Variants in FNBP1 observed in about 807,000 individuals in gnomAD.
FNBP1 encodes formin-binding protein 1.
FNBP1 carries 26 observed loss-of-function variants against 90.6 expected under a neutral mutation model. That is an observed-to-expected ratio of 0.29 (90% CI 0.21 to 0.40). The LOEUF is 0.40. FNBP1 is among the 10% of genes least tolerant of loss of function. FNBP1 has a pLI of 1.00. For missense variants in FNBP1, 635 were observed against 768.0 expected, an observed-to-expected ratio of 0.83 and a Z score of 2.05; for synonymous variants, 260 against 265.2, an observed-to-expected ratio of 0.98 and a Z score of 0.19.
At chr9:130,004,177 C>T (rs922422055) in intron 1 of FNBP1, among the ~76,000 whole-genome samples, 1 of 151,430 alleles carries the variant, frequency 6.6e-6, no homozygotes, top group Non-Finnish European at 1.5e-5. Context: ...GCAGGAGAAT[C>T]GCTTGAACCT....
At chr9:130,046,044 T>G (rs2060057962), upstream of FNBP1, among the ~76,000 whole-genome samples, 1 of 152,202 alleles carries the variant, frequency 6.6e-6, no homozygotes, top group Non-Finnish European at 1.5e-5. Flanking sequence ...TAGGGAACAC[T>G]GATTTACAAA....
At chr9:129,961,945 A>T (rs563942176) in intron 4 of FNBP1, among the ~76,000 whole-genome samples, 1 of 152,244 alleles carries the variant, frequency 6.6e-6, no homozygotes, top group Admixed American at 6.5e-5. Flanking sequence ...ATGTCCTGCA[A>T]ATTTCCCAGG....
At chr9:129,990,199 A>G (rs1164775841) in intron 2 of FNBP1, among the ~76,000 whole-genome samples, 1 of 152,226 alleles carries the variant, frequency 6.6e-6, no homozygotes, top group Non-Finnish European at 1.5e-5. Context: ...TATACCATAA[A>G]TATATACAAT....
intron 1 of FNBP1, among the ~76,000 whole-genome samples, chr9:130,002,756 C>CT (rs1203666597): frequency 6.6e-6 from 1 of 152,202 alleles, no homozygotes; most frequent in Non-Finnish European, 1.5e-5. Context: ...ACTATTCACT[C>CT]TAAGATTGCC....
intron 8 of FNBP1, 98 bp downstream of exon 8, chr9:129,927,097 C>T: frequency 1.6e-6 from 2 of 1,232,902 alleles, no homozygotes; most frequent in East Asian, 2.3e-5. Flanking sequence ...AGCAACCATC[C>T]ACCATGAGAT....
intron 4 of FNBP1, among the ~76,000 whole-genome samples, chr9:129,965,484 G>A (rs191103834): frequency 2.6e-5 from 4 of 152,080 alleles, no homozygotes; most frequent in African/African-American, 7.2e-5. Context: ...ACTGTTCCTC[G>A]GTTATTCTCA....
chr9:129,919,151 G>A (rs1447840310), intron 10 of FNBP1: 2 of 1,270,902 alleles, frequency 1.6e-6, no homozygotes, highest in African/African-American at 1.5e-5. Context: ...CATCACAGGT[G>A]AACTTACAAC....
chr9:130,044,952 G>GAAT (rs1290956336), upstream of FNBP1: 1 of 151,494 alleles, frequency 6.6e-6, no homozygotes, highest in Non-Finnish European at 1.5e-5. Flanking sequence ...AAAATAAAAT[G>GAAT]AATAATAATA....
intron 1 of FNBP1, among the ~76,000 whole-genome samples, chr9:129,995,292 C>T (rs939184838): frequency 2.0e-5 from 3 of 152,184 alleles, no homozygotes; most frequent in African/African-American, 7.2e-5. Context: ...ACAAACACAG[C>T]CACACACGGT....
intron 1 of FNBP1, among the ~76,000 whole-genome samples, chr9:130,019,551 G>A (rs777139256): frequency 6.6e-6 from 1 of 152,116 alleles, no homozygotes; most frequent in Non-Finnish European, 1.5e-5. Context: ...TCCAAAAGCA[G>A]ATCATCATGA....
At chr9:129,971,627 G>C (rs1258285902) in intron 4 of FNBP1, among the ~76,000 whole-genome samples, 1 of 152,104 alleles carries the variant, frequency 6.6e-6, no homozygotes, top group African/African-American at 2.4e-5. Flanking sequence ...CTGACCTCAG[G>C]TGATCCACCT....
At chr9:129,910,846 A>AAT (rs918146449) in intron 11 of FNBP1, among the ~76,000 whole-genome samples, 1 of 65,892 alleles carries the variant, frequency 1.5e-5, no homozygotes, top group African/African-American at 4.7e-5. Context: ...CTGACTCTCT[A>AAT]ATGTGTGTGT....
chr9:129,935,232 T>G (rs1381155588), intron 6 of FNBP1, among the ~76,000 whole-genome samples: 1 of 150,892 alleles, frequency 6.6e-6, no homozygotes, highest in African/African-American at 2.4e-5. Flanking sequence ...CAGGCGACCC[T>G]GCCACCTGAG....
chr9:130,004,792 G>A (rs987744482), intron 1 of FNBP1, among the ~76,000 whole-genome samples: 1 of 152,146 alleles, frequency 6.6e-6, no homozygotes, highest in South Asian at 2.1e-4. Flanking sequence ...CAGGCCGGGC[G>A]TGGTGGCTCA....
At chr9:129,896,471 C>T (rs903296663) in intron 15 of FNBP1, among the ~76,000 whole-genome samples, 2 of 152,046 alleles carry the variant, frequency 1.3e-5, no homozygotes, top group Admixed American at 1.3e-4. Flanking sequence ...GCAACCTCCA[C>T]CTCCCCGGTT....
intron 4 of FNBP1, among the ~76,000 whole-genome samples, chr9:129,969,125 AG>A (rs1200400394): frequency 6.6e-6 from 1 of 152,210 alleles, no homozygotes; most frequent in Non-Finnish European, 1.5e-5. Context: ...GTTCTTATGG[AG>A]GAATATATGT....
chr9:129,978,695 T>A, intron 3 of FNBP1, 83 bp from the exon 4 acceptor site: 1 of 1,401,322 alleles, frequency 7.1e-7, no homozygotes, highest in Non-Finnish European at 9.8e-7. Context: ...AAATATTAAT[T>A]AAAATCAGGT....
At chr9:129,973,329 A>C (rs543316835) in intron 4 of FNBP1, among the ~76,000 whole-genome samples, 6 of 152,344 alleles carry the variant, frequency 3.9e-5, no homozygotes, top group Admixed American at 3.9e-4. Flanking sequence ...ACCTCACCAG[A>C]AGACAGAAAT....
At chr9:130,046,776 A>C (rs1456970209), upstream of FNBP1, among the ~76,000 whole-genome samples, 1 of 3,722 alleles carries the variant, frequency 2.7e-4, no homozygotes, top group Admixed American at 7.4e-3. Context: ...ACTTTATCTC[A>C]AAAAAAAAAA....
Sources: allele counts gnomAD v4.1 joint callset (sites outside exome capture counted in the v4.1 genomes callset), GRCh38; gene constraint gnomAD v4.1.1; transcripts MANE v1.5; gene names NCBI Gene and HGNC (gene_info 2026-07-23, HGNC 2026-07-21).